Variants in NRXN1 observed in about 807,000 individuals in gnomAD.
The protein encoded by NRXN1 is neurexin 1, also known as neurexin-1.
In NRXN1, 39 loss-of-function variants were observed where a neutral mutation model predicts 150.9. The ratio of observed to expected loss-of-function variants is 0.26; its 90% CI spans 0.20 to 0.34. NRXN1 has a LOEUF of 0.34. Among genes scored for constraint, NRXN1 ranks in the 10% least tolerant of loss-of-function variants. The pLI, the probability that NRXN1 is intolerant of heterozygous loss-of-function variation, is 1.00. For synonymous variants in NRXN1, 924 were observed against 757.0 expected (o/e 1.22, Z -3.62); for missense variants, 1,815 against 1,949.9 (o/e 0.93, Z 1.30).
At chr2:51,021,227 T>A (rs935225627) in intron 2 of NRXN1, among the ~76,000 whole-genome samples, 2 of 152,172 alleles carry the variant, frequency 1.3e-5, no homozygotes, top group Non-Finnish European at 2.9e-5. Context: ...GAGCACAGTT[T>A]GCACAGCAAC....
chr2:50,915,502 G>A (rs1323132895), intron 5 of NRXN1, among the ~76,000 whole-genome samples: 1 of 151,542 alleles, frequency 6.6e-6, no homozygotes, highest in Non-Finnish European at 1.5e-5. Flanking sequence ...TAAGATAAAT[G>A]TTAAAGTGTA....
intron 21 of NRXN1, among the ~76,000 whole-genome samples, chr2:50,004,696 A>G (rs989126376): frequency 6.6e-6 from 1 of 152,138 alleles, no homozygotes; most frequent in African/African-American, 2.4e-5. Context: ...ATTAATACAC[A>G]CTAGTTGTGG....
intron 18 of NRXN1, among the ~76,000 whole-genome samples, chr2:50,229,059 C>T (rs116254040): frequency 0.013 from 2,039 of 152,094 alleles, 50 homozygotes; most frequent in African/African-American, 0.046. Flanking sequence ...ATGTCTAGTC[C>T]TCCGATTCTA....
chr2:50,731,247 A>C (rs138594499), intron 5 of NRXN1, among the ~76,000 whole-genome samples: 176 of 152,336 alleles, frequency 1.2e-3, no homozygotes, highest in African/African-American at 4.1e-3. Context: ...AAGAAATGGA[A>C]ATAAAACATA....
intron 21 of NRXN1, among the ~76,000 whole-genome samples, chr2:49,995,127 T>C (rs1357242947): frequency 6.6e-6 from 1 of 152,204 alleles, no homozygotes; most frequent in East Asian, 1.9e-4. Context: ...CTCACAGTGA[T>C]TGAAGAGGGT....
At chr2:50,153,721 A>G (rs557280749) in intron 18 of NRXN1, among the ~76,000 whole-genome samples, 4 of 151,980 alleles carry the variant, frequency 2.6e-5, no homozygotes, top group Middle Eastern at 3.4e-3. Context: ...GAAAAGAAGA[A>G]AAATAAAGTG....
At chr2:50,581,746 T>C (rs2103659117) in intron 8 of NRXN1, among the ~76,000 whole-genome samples, 1 of 152,266 alleles carries the variant, frequency 6.6e-6, no homozygotes, top group African/African-American at 2.4e-5. Flanking sequence ...AGCTACCTGT[T>C]CTGGACAATA....
At chr2:50,368,319 A>G (rs939572471) in intron 17 of NRXN1, among the ~76,000 whole-genome samples, 9 of 152,000 alleles carry the variant, frequency 5.9e-5, no homozygotes, top group Non-Finnish European at 1.3e-4. Context: ...ATTAACAAGC[A>G]TAAATGAAAA....
chr2:50,072,804 T>C (rs1696497597), intron 19 of NRXN1, among the ~76,000 whole-genome samples: 1 of 152,098 alleles, frequency 6.6e-6, no homozygotes, highest in Non-Finnish European at 1.5e-5. Context: ...TGAAAATGCC[T>C]AGGCACAGTG....
At chr2:50,993,609 C>T (rs372738223) in intron 2 of NRXN1, among the ~76,000 whole-genome samples, 2 of 151,858 alleles carry the variant, frequency 1.3e-5, no homozygotes, top group Admixed American at 1.3e-4. Flanking sequence ...TTAAAAGTTG[C>T]GAGGACACCA....
chr2:50,259,329 G>C (rs2068023053), intron 17 of NRXN1, among the ~76,000 whole-genome samples: 1 of 151,732 alleles, frequency 6.6e-6, no homozygotes, highest in South Asian at 2.1e-4. Context: ...TGCTTCAACT[G>C]ACCTGGAAGG....
At chr2:50,024,597 C>G (rs1322524234) in intron 21 of NRXN1, among the ~76,000 whole-genome samples, 1 of 151,918 alleles carries the variant, frequency 6.6e-6, no homozygotes, top group Non-Finnish European at 1.5e-5. Flanking sequence ...ATTTCTGCAA[C>G]TAGCTTTGTC....
intron 21 of NRXN1, among the ~76,000 whole-genome samples, chr2:50,025,678 A>T (rs1688174546): frequency 6.6e-6 from 1 of 152,194 alleles, no homozygotes; most frequent in Admixed American, 6.5e-5. Context: ...TTAGTTTCTT[A>T]AGCATCTATA....
At chr2:50,494,292 T>G (rs1283962688) in intron 15 of NRXN1, among the ~76,000 whole-genome samples, 1 of 152,192 alleles carries the variant, frequency 6.6e-6, no homozygotes, top group Non-Finnish European at 1.5e-5. Flanking sequence ...AGTTCACTTA[T>G]ACTTACTGAC....
chr2:50,021,915 A>G (rs933740744), intron 21 of NRXN1, among the ~76,000 whole-genome samples: 10 of 152,146 alleles, frequency 6.6e-5, no homozygotes, highest in African/African-American at 2.4e-4. Flanking sequence ...CAGTGGCACG[A>G]TCTCGGCTCA....
intron 8 of NRXN1, among the ~76,000 whole-genome samples, chr2:50,613,690 G>A (rs897354110): frequency 2.0e-5 from 3 of 152,154 alleles, no homozygotes; most frequent in African/African-American, 7.2e-5. Flanking sequence ...TGTAATCCCA[G>A]CACTTTGGGA....
chr2:50,451,704 C>T (rs1165619914), intron 17 of NRXN1, among the ~76,000 whole-genome samples: 4 of 152,124 alleles, frequency 2.6e-5, no homozygotes, highest in African/African-American at 9.7e-5. Flanking sequence ...TTTCATAACA[C>T]GATCTGTGGA....
At position 50,408,982 on chromosome 2, in the gene NRXN1, T is replaced by C. The variant is rs77314162; in HGVS notation, c.3364+56460A>G. 7.3e-3 allele frequency among the ~76,000 whole-genome samples: 1,111 copies of C among 151,946 alleles called. 20 individuals carry two copies. The highest frequency in any genetic ancestry group is 0.025 in the African/African-American group (1,052 of 41,432). The stretch of plus-strand genomic sequence containing the variant: ...CAAACATTGAGAGCAGGAAAAAAAA[T>C]TGACATGTGGTAACTTTTTGGAGTG... On this transcript the variant is annotated intron_variant, in intron 17 of 22. Coordinates refer to ENST00000401669, the MANE Select transcript of NRXN1 (RefSeq NM_001330078.2).
rs927806135 is a variant in NRXN1, at chr2:50,280,209, C to T, written c.3365-43239G>A. Among the ~76,000 whole-genome samples, 3 of 141,680 alleles carry T rather than the reference C, an allele frequency of 2.1e-5. 1 individual carries two copies. Among genetic ancestry groups the T allele is most frequent in the South Asian group, 4.5e-4 (2 of 4,396 alleles). 92.9% of individuals were successfully genotyped at this position (141,680 alleles called of 152,430 possible). Reference sequence around the variant, plus strand: ...AGGAGAATGGCGTGAACACGGGAGGCGGAGCTTGCAGTGAGCCGAGATCAC... The same window carrying T: ...AGGAGAATGGCGTGAACACGGGAGGTGGAGCTTGCAGTGAGCCGAGATCAC... On this transcript the variant is annotated intron_variant, in intron 17 of 22. Coordinates refer to ENST00000401669, the MANE Select transcript of NRXN1 (RefSeq NM_001330078.2).
Sources: gnomAD v4.1 joint callset for allele counts (sites outside exome capture counted in the v4.1 genomes callset) on GRCh38, gnomAD v4.1.1 for gene constraint, MANE v1.5 for transcripts, NCBI Gene and HGNC (gene_info 2026-07-23, HGNC 2026-07-21) for gene names.